MBNL1: variants seen among roughly 807,000 people sequenced by gnomAD.
MBNL1 encodes the protein muscleblind like splicing regulator 1, also known as muscleblind-like protein 1.
In MBNL1, 8 loss-of-function variants were observed where a neutral mutation model predicts 42.2. The observed-to-expected ratio is 0.19, with a 90% CI of 0.11 to 0.34. MBNL1 has a LOEUF of 0.34. Ranked by LOEUF, MBNL1 falls within the 10% of genes least tolerant of loss-of-function variation. MBNL1 has a pLI of 1.00. For synonymous variants in MBNL1, 169 were observed against 173.9 expected, an observed-to-expected ratio of 0.97 and a Z score of 0.22; for missense variants, 309 against 495.3, an observed-to-expected ratio of 0.62 and a Z score of 3.57.
intron 2 of MBNL1, among the ~76,000 whole-genome samples, chr3:152,363,873 A>G (rs2096176414): frequency 1.3e-5 from 2 of 152,156 alleles, no homozygotes; most frequent in Non-Finnish European, 2.9e-5. Context: ...ATGAAAAAAT[A>G]TCAATTCCTG....
In MBNL1 at chr3:152,398,588, A is replaced by C. The variant is rs375005821; in HGVS notation, c.175-16353A>C. Among the ~76,000 whole-genome samples, 5 of 152,308 alleles carry C rather than the reference A, an allele frequency of 3.3e-5. No individual in the cohort carries two copies. In the South Asian group the frequency reaches 1.0e-3, roughly 32 times the overall value. On this transcript the variant is annotated intron_variant, in intron 2 of 9. Coordinates refer to ENST00000324210, the MANE Select transcript of MBNL1 (RefSeq NM_021038.5). Reference sequence around the variant, plus strand: ...TGGGTCTGGGATTATTATCTAGAGAATGGTAAAATCTGTTACCTCTTGCCT... The same window carrying C: ...TGGGTCTGGGATTATTATCTAGAGACTGGTAAAATCTGTTACCTCTTGCCT...
chr3:152,333,823 A>G (rs1367586827), intron 2 of MBNL1, among the ~76,000 whole-genome samples: 1 of 152,228 alleles, frequency 6.6e-6, no homozygotes, highest in Non-Finnish European at 1.5e-5. Flanking sequence ...ATAAATGTGC[A>G]ATATACAAAT....
In MBNL1 at chr3:152,320,720, G is replaced by A. The variant is rs185953678; in HGVS notation, c.174+20353G>A. ...TTTTAATCTTTTTTGACTCTACCGA[G>A]AATATTGAAAAGAGTTTTGATTAGT... On this transcript the variant is annotated intron_variant, in intron 2 of 9. Coordinates refer to ENST00000324210, the MANE Select transcript of MBNL1 (RefSeq NM_021038.5). 4.1e-3 allele frequency among the ~76,000 whole-genome samples: 600 copies of A among 144,978 alleles called. 2 individuals carry two copies. The highest frequency in any genetic ancestry group is 0.011 in the Middle Eastern group (3 of 276).
intron 1 of MBNL1, among the ~76,000 whole-genome samples, chr3:152,294,945 G>A (rs1426495163): frequency 6.6e-6 from 1 of 152,056 alleles, no homozygotes; most frequent in Non-Finnish European, 1.5e-5. Flanking sequence ...ACAATAATCT[G>A]ATATCAGCAG....
intron 2 of MBNL1, chr3:152,340,697 T>C (rs2092942284): frequency 6.2e-7 from 1 of 1,614,030 alleles, no homozygotes; most frequent in South Asian, 1.1e-5. Flanking sequence ...AGATCCCAGA[T>C]GTAAACGGGA....
chr3:152,309,594 T>C (rs1439149146), intron 2 of MBNL1, among the ~76,000 whole-genome samples: 2 of 152,166 alleles, frequency 1.3e-5, no homozygotes, highest in Non-Finnish European at 2.9e-5. Context: ...TTACACAAAG[T>C]AAAACATGGA....
rs140425142 is a variant in MBNL1, at chr3:152,449,868, G to T, written c.961+2095G>T. ...GCCTGTAATCCTAGCACTTTGGGAG[G>T]CCGAGGCAGGTGGCTCACTTGAGGT... On this transcript the variant is annotated intron_variant, in intron 6 of 9. Transcript: ENST00000324210. 7.2e-5 allele frequency among the ~76,000 whole-genome samples: 11 copies of T among 152,120 alleles called. No individual in the cohort carries two copies. The East Asian group carries it at 2.1e-3, about 29-fold the overall frequency.
intron 6 of MBNL1, among the ~76,000 whole-genome samples, chr3:152,454,315 A>G (rs183684581): frequency 6.6e-6 from 1 of 152,300 alleles, no homozygotes; most frequent in Non-Finnish European, 1.5e-5. Context: ...GTTTCAGCTG[A>G]GTTTCTCAAT....
At position 152,415,099 on chromosome 3, in the gene MBNL1, A is replaced by G. The variant is rs200837508; in HGVS notation, c.333A>G (p.Pro111=). The part of the protein sequence containing the change: ...QLANAMMPGA[P]LQPVPMFSVA... Reference sequence around the variant, plus strand: ...CCAATGCCATGATGCCTGGTGCCCCATTACAACCCGTGGTAAGCATGTTTT... The same window carrying G: ...CCAATGCCATGATGCCTGGTGCCCCGTTACAACCCGTGGTAAGCATGTTTT... Residue 111 remains proline (P), a synonymous_variant, in exon 3 of 10, where the codon CCA becomes CCG. Coordinates refer to ENST00000324210, the MANE Select transcript of MBNL1 (RefSeq NM_021038.5). 3.0e-5 allele frequency: 48 copies of G among 1,586,076 alleles called. No individual in the cohort carries two copies. Among genetic ancestry groups the G allele is most frequent in the African/African-American group, 6.8e-5 (5 of 73,468 alleles).
At chr3:152,303,251 G>T (rs996124817) in intron 2 of MBNL1, among the ~76,000 whole-genome samples, 2 of 152,126 alleles carry the variant, frequency 1.3e-5, no homozygotes, top group Non-Finnish European at 2.9e-5. Flanking sequence ...TGACAACGAG[G>T]AATGTAGGTA....
intron 1 of MBNL1, among the ~76,000 whole-genome samples, chr3:152,294,792 A>G (rs1190582952): frequency 1.3e-5 from 2 of 152,228 alleles, no homozygotes; most frequent in Non-Finnish European, 2.9e-5. Flanking sequence ...TTTAAACATT[A>G]TATCTATCTG....
intron 2 of MBNL1, among the ~76,000 whole-genome samples, chr3:152,405,232 C>T (rs2098398050): frequency 6.6e-6 from 1 of 152,140 alleles, no homozygotes; most frequent in Admixed American, 6.5e-5. Flanking sequence ...AAGTGGGATA[C>T]ACTTGGTACA....
intron 2 of MBNL1, among the ~76,000 whole-genome samples, chr3:152,257,877 A>G (rs1479348390): frequency 1.3e-5 from 2 of 152,198 alleles, no homozygotes; most frequent in Non-Finnish European, 2.9e-5. Context: ...TTAATGTGGT[A>G]GATACCATTT....
At chr3:152,289,465 A>C (rs974757437) in intron 1 of MBNL1, among the ~76,000 whole-genome samples, 7 of 152,050 alleles carry the variant, frequency 4.6e-5, no homozygotes, top group Non-Finnish European at 8.8e-5. Flanking sequence ...TTGTCAATGC[A>C]TGTCTTTGTT....
At chr3:152,450,326 CATTAT>C (rs1720005343) in intron 6 of MBNL1, among the ~76,000 whole-genome samples, 1 of 152,010 alleles carries the variant, frequency 6.6e-6, no homozygotes, top group African/African-American at 2.4e-5. Flanking sequence ...AAAATATTTT[CATTAT>C]ATAATATATA....
At chr3:152,276,467 C>T (rs979193360) in intron 1 of MBNL1, among the ~76,000 whole-genome samples, 4 of 152,092 alleles carry the variant, frequency 2.6e-5, no homozygotes, top group African/African-American at 9.7e-5. Flanking sequence ...AATCCATGCT[C>T]CTGTGTAAAA....
Position 152,398,865 on chromosome 3 carries a change from ATTAC to A in MBNL1, c.175-16073_175-16070del, listed in dbSNP as rs1355950971. ...TTCCTGCTGCTCTTATTACAGATGTATTACTTGTCACTGATGCCCCAATGTATGA... is the reference window on the plus strand; with the variant it reads ...TTCCTGCTGCTCTTATTACAGATGTATTGTCACTGATGCCCCAATGTATGA... On this transcript the variant is annotated intron_variant, in intron 2 of 9. Transcript: ENST00000324210. Among the ~76,000 whole-genome samples, 5 of 152,282 alleles carry A rather than the reference ATTAC, an allele frequency of 3.3e-5. No homozygotes were observed. The East Asian group carries it at 9.6e-4, about 29-fold the overall frequency.
chr3:152,312,691 C>G (rs150709647), intron 2 of MBNL1, among the ~76,000 whole-genome samples: 2 of 152,154 alleles, frequency 1.3e-5, no homozygotes, highest in African/African-American at 2.4e-5. Flanking sequence ...ATGTTCAAGA[C>G]TAAATTGATC....
intron 2 of MBNL1, among the ~76,000 whole-genome samples, chr3:152,351,668 G>A (rs1323878183): frequency 2.0e-5 from 3 of 152,144 alleles, no homozygotes; most frequent in African/African-American, 4.8e-5. Context: ...CTGCTAGTGT[G>A]TTGAATTCTG....
Sources: allele counts gnomAD v4.1 joint callset (sites outside exome capture counted in the v4.1 genomes callset), GRCh38; gene constraint gnomAD v4.1.1; transcripts MANE v1.5; gene names NCBI Gene and HGNC (gene_info 2026-07-23, HGNC 2026-07-21).